C9orf153: variants seen among roughly 807,000 people sequenced by gnomAD.
The protein encoded by C9orf153 is uncharacterized protein C9orf153.
C9orf153 carries 10 observed loss-of-function variants against 9.0 expected under a neutral mutation model. That is an observed-to-expected ratio of 1.11 (90% CI 0.69 to 1.89). The LOEUF is 1.89. C9orf153 is among the 40% of genes most tolerant of loss of function. C9orf153 has a pLI of 0.00. For missense variants in C9orf153, 108 were observed against 111.0 expected (o/e 0.97, Z 0.12); for synonymous variants, 35 against 37.3 (o/e 0.94, Z 0.23).
intron 1 of C9orf153, among the ~76,000 whole-genome samples, chr9:86,242,298 T>C (rs1824763190): frequency 6.6e-6 from 1 of 151,602 alleles, no homozygotes; most frequent in African/African-American, 2.4e-5. Flanking sequence ...CTTAGAGCCT[T>C]GCAGAGAGGG....
chr9:86,231,944 A>G (rs1009140514), intron 1 of C9orf153, among the ~76,000 whole-genome samples: 4 of 152,138 alleles, frequency 2.6e-5, no homozygotes, highest in Admixed American at 2.0e-4. Flanking sequence ...GCCTTCTCCC[A>G]TCACCAAGGG....
rs1825130515 is a variant in C9orf153, at chr9:86,256,775, A to G, written c.-27+2775T>C. Among the ~76,000 whole-genome samples the G allele has an allele frequency of 2.6e-5, 4 of 152,170 alleles. 1 individual carries two copies. The highest frequency in any genetic ancestry group is 9.7e-5 in the African/African-American group (4 of 41,440). On this transcript the variant is annotated intron_variant, in intron 1 of 3. Transcript: ENST00000339137. ...CAGACCAGCTGATAAATTACCTAAA[A>G]TGCTATGAGTTGCACAATGTGACCC...
At chr9:86,258,091 C>G (rs924698793) in intron 1 of C9orf153, among the ~76,000 whole-genome samples, 9 of 152,204 alleles carry the variant, frequency 5.9e-5, no homozygotes, top group Admixed American at 6.5e-5. Context: ...CGCCCATAAT[C>G]CCAGCACTTT....
chr9:86,236,208 A>C (rs1184693520), intron 1 of C9orf153, among the ~76,000 whole-genome samples: 1 of 152,166 alleles, frequency 6.6e-6, no homozygotes, highest in Non-Finnish European at 1.5e-5. Context: ...AGAGAAAAAA[A>C]CCCACCAACC....
At chr9:86,251,587 T>C (rs1028041872) in intron 1 of C9orf153, among the ~76,000 whole-genome samples, 6 of 152,118 alleles carry the variant, frequency 3.9e-5, no homozygotes, top group Non-Finnish European at 8.8e-5. Flanking sequence ...ATGGTTTTTG[T>C]TATAGGGAAT....
chr9:86,227,312 A>C (rs1230961918), intron 3 of C9orf153: 16 of 1,420,458 alleles, frequency 1.1e-5, no homozygotes, highest in Non-Finnish European at 1.5e-5. Context: ...AAGCTCAGCT[A>C]ATTTTTATTT....
intron 3 of C9orf153, among the ~76,000 whole-genome samples, chr9:86,225,715 C>T (rs978700082): frequency 8.5e-5 from 13 of 152,150 alleles, no homozygotes; most frequent in Non-Finnish European, 1.8e-4. Flanking sequence ...GAACTCCTGA[C>T]CTCAGGTGAT....
At position 86,235,994 on chromosome 9, in the gene C9orf153, AC is replaced by A. The variant is rs1164302569; in HGVS notation, c.-26-6366del. ...AACATCAAATAGGTTAAATGCATAAACCCCCCAAAACAAAAAACTTCACATA... is the reference window on the plus strand; with the variant it reads ...AACATCAAATAGGTTAAATGCATAAACCCCCAAAACAAAAAACTTCACATA... On this transcript the variant is annotated intron_variant, in intron 1 of 3. Coordinates refer to ENST00000339137, the MANE Select transcript of C9orf153 (RefSeq NM_001276366.4). Among the ~76,000 whole-genome samples, 11 of 151,940 alleles carry A rather than the reference AC, an allele frequency of 7.2e-5. No homozygotes were observed. The East Asian group carries it at 9.7e-4, about 13-fold the overall frequency.
intron 1 of C9orf153, among the ~76,000 whole-genome samples, chr9:86,233,424 T>A (rs1170171531): frequency 2.0e-5 from 3 of 152,136 alleles, no homozygotes; most frequent in Non-Finnish European, 4.4e-5. Flanking sequence ...CACTTTTCTT[T>A]TTTCTTTTTT....
intron 1 of C9orf153, among the ~76,000 whole-genome samples, chr9:86,239,366 A>G (rs1027337320): frequency 1.3e-5 from 2 of 152,110 alleles, no homozygotes; most frequent in Non-Finnish European, 2.9e-5. Context: ...TTGCACTTTT[A>G]TGTATTTTAC....
chr9:86,229,154 T>G (rs1172492112), intron 2 of C9orf153, among the ~76,000 whole-genome samples: 1 of 152,116 alleles, frequency 6.6e-6, no homozygotes, highest in Non-Finnish European at 1.5e-5. Context: ...TTTTTTCCAG[T>G]GTTTTTTTGG....
In C9orf153 at chr9:86,220,349, TG is replaced by T. The variant is rs1250255933; in HGVS notation, c.*1338del. The stretch of plus-strand genomic sequence containing the variant: ...TTGCCATTATTTCTTGCATTCCCTC[TG>T]GGTTCTTACTAAAATACATACTTTA... On this transcript the variant is annotated 3_prime_UTR_variant, in exon 4 of 4. Transcript: ENST00000339137. The T allele has an allele frequency of 6.6e-6, 1 of 152,210 alleles. No homozygotes were observed. Among genetic ancestry groups the T allele is most frequent in the African/African-American group, 2.4e-5 (1 of 41,460 alleles). The allele number at this position is 152,210 out of a possible 1,614,324, so 9.4% of individuals were successfully genotyped here.
intron 1 of C9orf153, among the ~76,000 whole-genome samples, chr9:86,240,710 T>TC (rs1554685454): frequency 2.2e-4 from 7 of 31,250 alleles, no homozygotes; most frequent in African/African-American, 1.1e-3. Context: ...TCTTTTTCTT[T>TC]TTTTTTTTTT....
intron 1 of C9orf153, among the ~76,000 whole-genome samples, chr9:86,258,980 T>G (rs532714602): frequency 2.0e-5 from 3 of 152,168 alleles, no homozygotes; most frequent in South Asian, 4.1e-4. Flanking sequence ...CTATGAGATT[T>G]CACAATGTGC....
intron 3 of C9orf153, among the ~76,000 whole-genome samples, chr9:86,222,152 T>C (rs1360056990): frequency 1.3e-5 from 2 of 152,094 alleles, no homozygotes; most frequent in Non-Finnish European, 2.9e-5. Context: ...ACTCCCAAAA[T>C]ACTGGGATTA....
At chr9:86,234,571 T>G (rs1044158924) in intron 1 of C9orf153, among the ~76,000 whole-genome samples, 5 of 152,178 alleles carry the variant, frequency 3.3e-5, no homozygotes, top group African/African-American at 1.2e-4. Flanking sequence ...CTAAAATGGA[T>G]TATAGAACTA....
chr9:86,237,025 T>G (rs963480987), intron 1 of C9orf153, among the ~76,000 whole-genome samples: 9 of 149,960 alleles, frequency 6.0e-5, no homozygotes, highest in African/African-American at 2.5e-5. Flanking sequence ...ATGACAACAA[T>G]GACATAGAGA....
At chr9:86,223,884 G>C (rs1396277665) in intron 3 of C9orf153, among the ~76,000 whole-genome samples, 1 of 152,220 alleles carries the variant, frequency 6.6e-6, no homozygotes, top group Non-Finnish European at 1.5e-5. Context: ...GCTCCACAGA[G>C]AGTGGAATCA....
chr9:86,251,283 T>C (rs530104135), intron 1 of C9orf153, among the ~76,000 whole-genome samples: 2 of 152,324 alleles, frequency 1.3e-5, no homozygotes, highest in South Asian at 4.1e-4. Context: ...GAAATAAAAC[T>C]TATTTAGATC....
Sources: gnomAD v4.1 joint callset for allele counts (sites outside exome capture counted in the v4.1 genomes callset) on GRCh38, gnomAD v4.1.1 for gene constraint, MANE v1.5 for transcripts, NCBI Gene and HGNC (gene_info 2026-07-23, HGNC 2026-07-21) for gene names.